PGAP6: variants seen among roughly 807,000 people sequenced by gnomAD.
PGAP6 encodes post-GPI attachment to proteins 6.
A neutral mutation model predicts 68.4 loss-of-function variants in PGAP6; 62 were observed. The ratio of observed to expected loss-of-function variants is 0.91; its 90% CI spans 0.74 to 1.12. The LOEUF is 1.12. Among genes scored for constraint, PGAP6 ranks in the 50% most tolerant of loss-of-function variants. The pLI is 0.00. For synonymous variants in PGAP6, 575 were observed against 474.0 expected, an observed-to-expected ratio of 1.21 and a Z score of -2.77; for missense variants, 1,188 against 1,068.5, an observed-to-expected ratio of 1.11 and a Z score of -1.56.
Position 375,392 on chromosome 16 carries a change from G to A in PGAP6, c.1268C>T (p.Ala423Val), listed in dbSNP as rs1197788100. ...ATTGAAGCCAAGGAAGGGCGAGGCA[G>A]CATTCACGCAGGCCACTACGACGGT... ...NETVVVACVNAASPFLGFNTS... is the reference protein window; with the variant it reads ...NETVVVACVNVASPFLGFNTS... Residue 423 changes from alanine to valine, a missense_variant, in exon 7 of 13, where the codon GCT (alanine) becomes GTT (valine). Coordinates refer to ENST00000431232, the MANE Select transcript of PGAP6 (RefSeq NM_021259.3). 6.2e-7 allele frequency: 1 copy of A among 1,612,970 alleles called. No homozygotes were observed. Among genetic ancestry groups the A allele is most frequent in the Non-Finnish European group, 8.5e-7 (1 of 1,179,970 alleles).
intron 11 of PGAP6, 24 bp from the exon 12 acceptor site, chr16:372,751 G>T: frequency 6.4e-7 from 1 of 1,557,028 alleles, no homozygotes; most frequent in Non-Finnish European, 8.8e-7. Flanking sequence ...AGGGATGACT[G>T]CAGGGACGTC....
chr16:375,859 C>T (rs995410431), intron 6 of PGAP6, among the ~76,000 whole-genome samples: 2 of 152,212 alleles, frequency 1.3e-5, no homozygotes, highest in Non-Finnish European at 2.9e-5. Context: ...GAGACTCCTG[C>T]AGGCCCACGG....
intron 4 of PGAP6, 83 bp downstream of exon 4, chr16:376,954 G>C: frequency 6.3e-7 from 1 of 1,579,152 alleles, no homozygotes; most frequent in Non-Finnish European, 8.6e-7. Context: ...CCAGGACTCA[G>C]GGCCAGGCTC....
chr16:376,790 G>A lies in PGAP6; in HGVS notation c.658C>T (p.Arg220Trp), dbSNP rs771901828. The A allele has an allele frequency of 2.3e-5, 37 of 1,608,244 alleles. No homozygotes were observed. The Admixed American group carries it at 2.5e-4, about 11-fold the overall frequency. Residue 220 changes from arginine to tryptophan, a missense_variant, in exon 5 of 13, where the codon CGG becomes TGG. Coordinates refer to ENST00000431232, the MANE Select transcript of PGAP6 (RefSeq NM_021259.3). ...TCCCGCAGCTCCAGCAGAAGCTCCCGCGTGTAATCGGGGACAAAGACCCTG... is the reference window on the plus strand; with the variant it reads ...TCCCGCAGCTCCAGCAGAAGCTCCCACGTGTAATCGGGGACAAAGACCCTG... ...YLKVFVPDYT[R>W]ELLLELRDCV...
chr16:374,950 C>T, intron 8 of PGAP6, 58 bp from the exon 9 acceptor site: 1 of 1,607,550 alleles, frequency 6.2e-7, no homozygotes, highest in East Asian at 2.2e-5. Context: ...CAGCTGCCAC[C>T]AGCGCTCCCA....
upstream of PGAP6, chr16:384,135 G>C (rs1359738796): frequency 6.6e-6 from 1 of 152,530 alleles, no homozygotes; most frequent in Non-Finnish European, 1.5e-5. Context: ...GTCAGCACCA[G>C]CACCCAGGAC....
chr16:378,079 C>T (rs2141763163), intron 1 of PGAP6, among the ~76,000 whole-genome samples: 1 of 152,174 alleles, frequency 6.6e-6, no homozygotes, highest in East Asian at 1.9e-4. Flanking sequence ...GCATCTGGGT[C>T]TTTTCACAGC....
intron 1 of PGAP6, among the ~76,000 whole-genome samples, chr16:380,803 G>T (rs2054430575): frequency 6.6e-6 from 1 of 152,228 alleles, no homozygotes; most frequent in Admixed American, 6.5e-5. Flanking sequence ...GGCAGGGGAG[G>T]GGAGGGGCTG....
chr16:386,726 C>CAAAAAAAAAAAAAAAAAAAAAAAACAA, upstream of PGAP6: 1 of 311,116 alleles, frequency 3.2e-6, no homozygotes, highest in Non-Finnish European at 6.0e-6. Context: ...AAAAAAAAAC[C>CAAAAAAAAAAAAAAAAAAAAAAAACAA]AAAAAAAAAA....
rs1006744685 is a variant in PGAP6, at chr16:377,166, T to C, written c.508-2A>G. ...GTAGGCACAGGTGGGAGCCAAGCCC[T>C]AGGGAAAGAACAGGTGTGGGCGGGG... On this transcript the variant is annotated splice_acceptor_variant, in intron 3 of 12. Transcript: ENST00000431232. LOFTEE classifies it high-confidence loss of function. 8.7e-6 allele frequency: 14 copies of C among 1,613,210 alleles called. No homozygotes were observed. Among genetic ancestry groups the C allele is most frequent in the Non-Finnish European group, 1.2e-5 (14 of 1,179,958 alleles).
chr16:382,935 G>A (rs943007205), upstream of PGAP6, among the ~76,000 whole-genome samples: 4 of 152,114 alleles, frequency 2.6e-5, no homozygotes, highest in Non-Finnish European at 4.4e-5. Context: ...AAATACTGAA[G>A]GACAGCTGCC....
upstream of PGAP6, chr16:382,091 A>AG (rs909116095): frequency 3.5e-6 from 1 of 285,298 alleles, no homozygotes; most frequent in Admixed American, 5.6e-5. Context: ...GGGCGCCGGT[A>AG]GGGGGGAGGG....
rs540105809 is a variant in PGAP6, at chr16:376,480, C to T, written c.905-25G>A. 6 of 1,547,184 alleles carry T rather than the reference C, an allele frequency of 3.9e-6. 1 individual carries two copies. The South Asian group carries it at 6.2e-5, about 16-fold the overall frequency. ...GCTGCCGAGAGGACAAGGGGTTTGG[C>T]TGGAGGAAAGTCTGGGGATCTGGGG... On this transcript the variant is annotated intron_variant, in intron 5 of 12. Transcript: ENST00000431232.
intron 1 of PGAP6, among the ~76,000 whole-genome samples, chr16:379,073 C>T (rs1353957055): frequency 1.3e-5 from 2 of 152,178 alleles, no homozygotes; most frequent in Non-Finnish European, 2.9e-5. Context: ...GGGCACATCC[C>T]TTTGGGGGCC....
upstream of PGAP6, chr16:382,044 C>CG (rs541482913): frequency 0.095 from 44,854 of 471,678 alleles, 2,550 homozygotes; most frequent in South Asian, 0.13. Flanking sequence ...GGGGCGGGAC[C>CG]GGGGGGGGCG....
chr16:383,995 G>C (rs561847025), upstream of PGAP6, among the ~76,000 whole-genome samples: 12 of 152,328 alleles, frequency 7.9e-5, no homozygotes, highest in Non-Finnish European at 1.5e-4. Flanking sequence ...CAGCTGGGCC[G>C]TCCTCAGCCC....
chr16:382,338 G>A (rs2054451639), upstream of PGAP6: 1 of 387,804 alleles, frequency 2.6e-6, no homozygotes, highest in Non-Finnish European at 4.6e-6. Flanking sequence ...GGAGCCCGCG[G>A]GGGGCAGAGG....
intron 7 of PGAP6, 42 bp from the exon 8 acceptor site, chr16:375,298 G>C (rs11648905): frequency 2.5e-6 from 4 of 1,612,260 alleles, no homozygotes; most frequent in South Asian, 2.2e-5. Context: ...AGGCCGGGGC[G>C]GGGGGCTGGC....
Position 376,550 on chromosome 16 carries a change from G to A in PGAP6, c.898C>T (p.Leu300Phe). The A allele has an allele frequency of 6.5e-7, 1 of 1,546,506 alleles. No individual in the cohort carries two copies. Among genetic ancestry groups the A allele is most frequent in the Non-Finnish European group, 8.7e-7 (1 of 1,145,346 alleles). Residue 300 changes from leucine to phenylalanine, a missense_variant, in exon 5 of 13, where the codon CTC becomes TTC. By Grantham distance (22) the Leu-to-Phe change is conservative. Transcript: ENST00000431232. ...GTVAFSAVAA[L>F]TACRPRSVTI... ...CAGCCCTTGTGCGGCCCACCTGTGAGGGCAGCTACAGCACTGAAAGCCACT... is the reference window on the plus strand; with the variant it reads ...CAGCCCTTGTGCGGCCCACCTGTGAAGGCAGCTACAGCACTGAAAGCCACT...
Sources: allele counts gnomAD v4.1 joint callset (sites outside exome capture counted in the v4.1 genomes callset), GRCh38; gene constraint gnomAD v4.1.1; transcripts MANE v1.5; gene names NCBI Gene and HGNC (gene_info 2026-07-23, HGNC 2026-07-21).